CAB39L: variants seen among roughly 807,000 people sequenced by gnomAD.
The protein encoded by CAB39L is calcium-binding protein 39-like.
A neutral mutation model predicts 39.1 loss-of-function variants in CAB39L; 23 were observed. The observed-to-expected ratio is 0.59, with a 90% CI of 0.42 to 0.83. The LOEUF (loss-of-function observed/expected upper bound fraction) is 0.83, where lower values mean the gene tolerates loss of function less well. CAB39L is among the 40% of genes least tolerant of loss of function. The pLI, the probability that CAB39L is intolerant of heterozygous loss-of-function variation, is 0.00. For missense variants in CAB39L, 366 were observed against 391.9 expected (o/e 0.93, Z 0.56); for synonymous variants, 126 against 137.2 (o/e 0.92, Z 0.57).
rs1270438947 is a variant in CAB39L at position 49,439,920 on chromosome 13, G to GTTTTTTTTTTT, written c.-246+4065_-246+4066insAAAAAAAAAAA. Among the ~76,000 whole-genome samples, 32 of 41,342 alleles carry GTTTTTTTTTTT rather than the reference G, an allele frequency of 7.7e-4. 1 individual carries two copies. Among genetic ancestry groups the GTTTTTTTTTTT allele is most frequent in the African/African-American group, 2.4e-3 (31 of 12,936 alleles). The allele number at this position is 41,342 out of a possible 152,430, so 27.1% of individuals were successfully genotyped here. On this transcript the variant is annotated intron_variant, in intron 1 of 10. Coordinates refer to ENST00000409308, the MANE Select transcript of CAB39L (RefSeq NM_001079670.3). ...GATGTCTTTTGACCACTTTTTAATG[G>GTTTTTTTTTTT]GTTTTTTTTTTTTTTTTTTTTGCTT...
At chr13:49,364,469 G>A (rs979318778) in intron 5 of CAB39L, among the ~76,000 whole-genome samples, 8 of 152,106 alleles carry the variant, frequency 5.3e-5, no homozygotes, top group African/African-American at 1.7e-4. Context: ...ATGAAATGAA[G>A]GGCATCCAAA....
At chr13:49,329,539 AAAAAAATATAT>A (rs1197945755) in intron 10 of CAB39L, among the ~76,000 whole-genome samples, 1 of 36,244 alleles carries the variant, frequency 2.8e-5, no homozygotes, top group Admixed American at 3.6e-4. Context: ...TCAATTAAAA[AAAAAAATATAT>A]ATATATATAT....
chr13:49,405,921 C>T (rs1956867109), intron 3 of CAB39L, among the ~76,000 whole-genome samples: 1 of 152,062 alleles, frequency 6.6e-6, no homozygotes, highest in Admixed American at 6.6e-5. Flanking sequence ...GAAAGACAAA[C>T]TTCACATGTT....
intron 3 of CAB39L, among the ~76,000 whole-genome samples, chr13:49,403,772 C>T (rs1167454651): frequency 6.6e-6 from 1 of 151,840 alleles, no homozygotes; most frequent in Non-Finnish European, 1.5e-5. Context: ...TAAACAACAG[C>T]AACAACAACA....
intron 4 of CAB39L, among the ~76,000 whole-genome samples, chr13:49,379,861 A>G (rs1241238843): frequency 7.1e-6 from 1 of 141,074 alleles, no homozygotes; most frequent in African/African-American, 2.6e-5. Context: ...TTTTTTTTTT[A>G]GATGGAGTCT....
At chr13:49,349,591 G>C (rs1955281103) in intron 7 of CAB39L, among the ~76,000 whole-genome samples, 1 of 151,536 alleles carries the variant, frequency 6.6e-6, no homozygotes, top group South Asian at 2.1e-4. Context: ...AACAGCTTCA[G>C]AGCTGATTTG....
intron 10 of CAB39L, among the ~76,000 whole-genome samples, chr13:49,313,406 A>G (rs762878394): frequency 1.4e-4 from 21 of 151,868 alleles, no homozygotes; most frequent in South Asian, 2.1e-4. Flanking sequence ...GCGTGAACCC[A>G]GGAGGCGAAG....
intron 3 of CAB39L, among the ~76,000 whole-genome samples, chr13:49,414,500 AG>A (rs1656398307): frequency 6.6e-6 from 1 of 152,220 alleles, no homozygotes; most frequent in Non-Finnish European, 1.5e-5. Flanking sequence ...TATCTACAAA[AG>A]GGAAACAGTT....
chr13:49,350,054 G>C lies in CAB39L; in HGVS notation c.564+690C>G, dbSNP rs367836663. ...GGGGCTGGAGGGAGGAGGAAATGGG[G>C]AGTTATTATTTAATAAGTATAGAGG... On this transcript the variant is annotated intron_variant, in intron 7 of 10. Transcript: ENST00000409308. Among the ~76,000 whole-genome samples, 18 of 152,082 alleles carry C rather than the reference G, an allele frequency of 1.2e-4. No individual in the cohort carries two copies. The South Asian group carries it at 1.2e-3, about 11-fold the overall frequency.
rs1339240501 is a variant in CAB39L, at chr13:49,378,587, G to T, written c.112-1456C>A. Among the ~76,000 whole-genome samples the T allele has an allele frequency of 1.5e-4, 11 of 73,080 alleles. No individual in the cohort carries two copies. The East Asian group carries it at 1.8e-3, about 12-fold the overall frequency. 47.9% of individuals were successfully genotyped at this position (73,080 alleles called of 152,430 possible). A position where few individuals can be genotyped will look rare whatever the true frequency, so the allele number is the denominator to read the frequency against. ...CAGCCGCCCCGTCCGGGAGGGAGGT[G>T]GGGGGGTCAGCCCTCCGCCCGGCCA... On this transcript the variant is annotated intron_variant, in intron 4 of 10. Coordinates refer to ENST00000409308, the MANE Select transcript of CAB39L (RefSeq NM_001079670.3).
At chr13:49,346,930 T>C (rs554351539) in intron 7 of CAB39L, among the ~76,000 whole-genome samples, 166 of 152,244 alleles carry the variant, frequency 1.1e-3, no homozygotes, top group African/African-American at 3.7e-3. Flanking sequence ...GACAAATCTA[T>C]GCCAAAATAA....
rs1281392032 is a variant in CAB39L, at chr13:49,382,794, T to C, written c.111+6A>G. ...TTAATCATAATGTTACTGTTTTAGC[T>C]CTTACCTTGTCTGTCTTTTTGTCTT... On this transcript the variant is annotated splice_donor_region_variant and intron_variant, in intron 4 of 10. Coordinates refer to ENST00000409308, the MANE Select transcript of CAB39L (RefSeq NM_001079670.3). 1 of 1,553,688 alleles carries C rather than the reference T, an allele frequency of 6.4e-7. No individual in the cohort carries two copies. The highest frequency in any genetic ancestry group is 8.9e-7 in the Non-Finnish European group (1 of 1,127,136).
chr13:49,367,930 C>CA (rs148092096), intron 5 of CAB39L, among the ~76,000 whole-genome samples: 72,841 of 134,834 alleles, frequency 0.54, 18,141 homozygotes, highest in Middle Eastern at 0.64. Flanking sequence ...GACCCTGTCT[C>CA]AAAAAAAAAA....
At chr13:49,340,406 C>T (rs186354805) in intron 8 of CAB39L, among the ~76,000 whole-genome samples, 86 of 152,240 alleles carry the variant, frequency 5.6e-4, no homozygotes, top group Admixed American at 5.6e-3. Flanking sequence ...ATGAGCGCAG[C>T]CAGGACGGAG....
chr13:49,402,258 ATAGAG>A (rs1351923733), intron 3 of CAB39L, among the ~76,000 whole-genome samples: 1 of 152,228 alleles, frequency 6.6e-6, no homozygotes, highest in African/African-American at 2.4e-5. Flanking sequence ...ACATACAATT[ATAGAG>A]TAAAGTATCT....
rs1181840816 is a variant in CAB39L at position 49,385,739 on chromosome 13, C to T, written c.-31-2798G>A. Among the ~76,000 whole-genome samples, 9 of 152,228 alleles carry T rather than the reference C, an allele frequency of 5.9e-5. No individual in the cohort carries two copies. In the South Asian group the frequency reaches 1.0e-3, roughly 18 times the overall value. On this transcript the variant is annotated intron_variant, in intron 3 of 10. Coordinates refer to ENST00000409308, the MANE Select transcript of CAB39L (RefSeq NM_001079670.3). ...GCCTGAGGAAAGTGAGACAGGGGAA[C>T]GGCCAGTCGATGGGGCACTCAGAAC...
intron 6 of CAB39L, among the ~76,000 whole-genome samples, chr13:49,355,446 A>C (rs1955458855): frequency 1.3e-5 from 2 of 152,104 alleles, no homozygotes; most frequent in African/African-American, 4.8e-5. Flanking sequence ...ATAACAATCC[A>C]ATGTCAATGA....
At chr13:49,436,829 T>A (rs544774596) in intron 1 of CAB39L, among the ~76,000 whole-genome samples, 3 of 152,216 alleles carry the variant, frequency 2.0e-5, no homozygotes, top group Non-Finnish European at 2.9e-5. Context: ...AAATGTTAGT[T>A]TAAGGATATT....
intron 3 of CAB39L, among the ~76,000 whole-genome samples, chr13:49,409,194 C>A (rs146970359): frequency 6.6e-6 from 1 of 152,210 alleles, no homozygotes; most frequent in Non-Finnish European, 1.5e-5. Context: ...GGACTCCAGG[C>A]CAGCCCTTCC....
Sources: allele counts gnomAD v4.1 joint callset (sites outside exome capture counted in the v4.1 genomes callset), GRCh38; gene constraint gnomAD v4.1.1; transcripts MANE v1.5; gene names NCBI Gene and HGNC (gene_info 2026-07-23, HGNC 2026-07-21).